The following TNIK variants were observed in gnomAD, a reference collection of about 807,000 sequenced individuals.
TNIK encodes the protein TRAF2 and NCK interacting kinase.
TNIK carries 49 observed loss-of-function variants against 191.3 expected under a neutral mutation model. That is an observed-to-expected ratio of 0.26 (90% confidence interval 0.20 to 0.32). TNIK has a LOEUF of 0.32. Among genes scored for constraint, TNIK ranks in the 10% least tolerant of loss-of-function variants. The pLI is 1.00. For synonymous variants in TNIK, 594 were observed against 600.9 expected (o/e 0.99, Z 0.17); for missense variants, 1,155 against 1,702.3 (o/e 0.68, Z 5.66).
chr3:171,113,355 C>G (rs984008699), intron 18 of TNIK, among the ~76,000 whole-genome samples: 3 of 152,092 alleles, frequency 2.0e-5, no homozygotes, highest in Admixed American at 2.0e-4. Context: ...CCTGTAATCC[C>G]ATCACTTTGG....
intron 17 of TNIK, among the ~76,000 whole-genome samples, chr3:171,124,336 T>G (rs1728181180): frequency 6.6e-6 from 1 of 152,120 alleles, no homozygotes. Context: ...TAATAGAACA[T>G]AATACAAAGC....
chr3:171,137,080 T>G, intron 15 of TNIK, among the ~76,000 whole-genome samples: 1 of 147,996 alleles, frequency 6.8e-6, no homozygotes. Flanking sequence ...AAACAATATG[T>G]AAAAGTACAA....
Position 171,410,570 on chromosome 3 carries a change from G to C in TNIK, c.58-40885C>G, listed in dbSNP as rs568095658. Among the ~76,000 whole-genome samples, 11 of 152,210 alleles carry C rather than the reference G, an allele frequency of 7.2e-5. 1 individual carries two copies. In the East Asian group the frequency reaches 1.9e-3, roughly 27 times the overall value. On this transcript the variant is annotated intron_variant, in intron 1 of 32. Coordinates refer to ENST00000436636, the MANE Select transcript of TNIK (RefSeq NM_015028.4). ...GGAGGCGGGCGGATCACAAGGTCAG[G>C]AGATCGAGACCATCCTGGCTAACAC...
chr3:171,298,949 G>GGTGAC (rs1398754402), intron 2 of TNIK, among the ~76,000 whole-genome samples: 1 of 152,140 alleles, frequency 6.6e-6, no homozygotes, highest in Non-Finnish European at 1.5e-5. Context: ...ATGGCACCAT[G>GGTGAC]GTGACCTTGC....
At chr3:171,454,978 T>G (rs779870623) in intron 1 of TNIK, among the ~76,000 whole-genome samples, 2 of 152,186 alleles carry the variant, frequency 1.3e-5, no homozygotes, top group African/African-American at 2.4e-5. Flanking sequence ...GAGAGAAAAC[T>G]TTTTTTAAAA....
chr3:171,380,472 T>C (rs1717883217), intron 1 of TNIK, among the ~76,000 whole-genome samples: 1 of 152,216 alleles, frequency 6.6e-6, no homozygotes, highest in South Asian at 2.1e-4. Context: ...CCCCCAGAGA[T>C]ACTCATTTAC....
chr3:171,229,821 A>G (rs1743392810), intron 2 of TNIK, among the ~76,000 whole-genome samples: 1 of 152,102 alleles, frequency 6.6e-6, no homozygotes, highest in Non-Finnish European at 1.5e-5. Flanking sequence ...GTAGGTCAGT[A>G]ATCCAATATG....
At chr3:171,173,898 G>A (rs376820730) in intron 9 of TNIK, among the ~76,000 whole-genome samples, 5 of 152,086 alleles carry the variant, frequency 3.3e-5, no homozygotes, top group Non-Finnish European at 5.9e-5. Context: ...CCCTCTCCCC[G>A]GGAGTCTGAT....
intron 7 of TNIK, among the ~76,000 whole-genome samples, chr3:171,178,767 C>G (rs891682128): frequency 4.6e-5 from 7 of 152,124 alleles, no homozygotes; most frequent in African/African-American, 1.7e-4. Context: ...ATACCTCATG[C>G]ATTTTGTACA....
chr3:171,288,761 T>C (rs1426567648), intron 2 of TNIK, among the ~76,000 whole-genome samples: 5 of 147,298 alleles, frequency 3.4e-5, no homozygotes, highest in African/African-American at 7.6e-5. Context: ...TGAGCTGAGA[T>C]TGCACCACTG....
chr3:171,413,465 C>T (rs766023177), intron 1 of TNIK, among the ~76,000 whole-genome samples: 1 of 152,184 alleles, frequency 6.6e-6, no homozygotes, highest in Non-Finnish European at 1.5e-5. Context: ...AAACATCTTG[C>T]TCATTCCCAC....
chr3:171,440,932 C>G (rs1012767639), intron 1 of TNIK, among the ~76,000 whole-genome samples: 5 of 152,140 alleles, frequency 3.3e-5, no homozygotes, highest in Non-Finnish European at 2.9e-5. Context: ...AGTCCTTTCT[C>G]TACAGGAGGA....
At chr3:171,137,430 T>C (rs1319704442) in intron 15 of TNIK, among the ~76,000 whole-genome samples, 1 of 152,158 alleles carries the variant, frequency 6.6e-6, no homozygotes. Context: ...GAAATAATGA[T>C]TGAACTGAAA....
intron 1 of TNIK, among the ~76,000 whole-genome samples, chr3:171,426,029 G>A (rs926977285): frequency 2.0e-5 from 3 of 151,940 alleles, no homozygotes; most frequent in Non-Finnish European, 4.4e-5. Flanking sequence ...GAGAAATACC[G>A]TTTGACCCAG....
intron 2 of TNIK, among the ~76,000 whole-genome samples, chr3:171,307,544 T>TGAG (rs1478399266): frequency 1.3e-5 from 2 of 152,234 alleles, no homozygotes; most frequent in East Asian, 3.8e-4. Flanking sequence ...TTTGTTGTTT[T>TGAG]GAGTTTTCTT....
chr3:171,125,420 A>C (rs1728329970), intron 17 of TNIK, among the ~76,000 whole-genome samples: 1 of 152,212 alleles, frequency 6.6e-6, no homozygotes, highest in Non-Finnish European at 1.5e-5. Flanking sequence ...GACTTGGCCT[A>C]GAAAGAGCTT....
intron 24 of TNIK, 91 bp downstream of exon 24, chr3:171,087,251 C>T: frequency 1.3e-6 from 2 of 1,540,986 alleles, no homozygotes; most frequent in East Asian, 2.3e-5. Flanking sequence ...TTTCAAGGAG[C>T]TTGGCGAAGC....
At chr3:171,434,693 C>T (rs1725812085) in intron 1 of TNIK, among the ~76,000 whole-genome samples, 1 of 152,172 alleles carries the variant, frequency 6.6e-6, no homozygotes, top group Non-Finnish European at 1.5e-5. Context: ...CTCCTGGCCT[C>T]AAGCCATCCT....
chr3:171,274,193 C>G (rs1376558710), intron 2 of TNIK, among the ~76,000 whole-genome samples: 1 of 152,202 alleles, frequency 6.6e-6, no homozygotes, highest in Non-Finnish European at 1.5e-5. Context: ...GGGAAAGGCA[C>G]ACAAGAAACA....
Sources: allele counts gnomAD v4.1 joint callset (sites outside exome capture counted in the v4.1 genomes callset), GRCh38; gene constraint gnomAD v4.1.1; transcripts MANE v1.5; gene names NCBI Gene and HGNC (gene_info 2026-07-23, HGNC 2026-07-21).